STAU2: variants seen among roughly 807,000 people sequenced by gnomAD.
The protein encoded by STAU2 is staufen double-stranded RNA binding protein 2.
Under a neutral mutation model 65.9 loss-of-function variants are expected in STAU2, and 20 were observed. That is an observed-to-expected ratio of 0.30 (90% CI 0.21 to 0.44). STAU2 has a LOEUF of 0.44. STAU2 is among the 20% of genes least tolerant of loss of function. The probability of loss-of-function intolerance (pLI) is 1.00; values close to 1 mark genes in which losing one functional copy is unlikely to be tolerated. For synonymous variants in STAU2, 232 were observed against 233.9 expected (o/e 0.99, Z 0.07); for missense variants, 558 against 683.9 (o/e 0.82, Z 2.05).
intron 3 of STAU2, among the ~76,000 whole-genome samples, chr8:73,722,901 A>C (rs1168731975): frequency 6.6e-6 from 1 of 152,186 alleles, no homozygotes; most frequent in Non-Finnish European, 1.5e-5. Flanking sequence ...ATACCAAAAC[A>C]CTTCTAATAT....
At chr8:73,722,455 A>G (rs1821749000) in intron 3 of STAU2, among the ~76,000 whole-genome samples, 1 of 152,224 alleles carries the variant, frequency 6.6e-6, no homozygotes, top group Non-Finnish European at 1.5e-5. Flanking sequence ...TGTTAGCAAT[A>G]AATTCTTTCT....
At chr8:73,703,829 G>C (rs1304228576) in intron 4 of STAU2, among the ~76,000 whole-genome samples, 4 of 152,028 alleles carry the variant, frequency 2.6e-5, no homozygotes, top group Non-Finnish European at 5.9e-5. Context: ...ATTACGACAA[G>C]GAACGAAAAA....
chr8:73,479,312 C>G (rs576903351), intron 13 of STAU2, among the ~76,000 whole-genome samples: 2 of 152,200 alleles, frequency 1.3e-5, no homozygotes, highest in African/African-American at 2.4e-5. Context: ...ATTTTAGATA[C>G]TGATTATTTC....
chr8:73,583,275 A>G (rs1237284915), intron 11 of STAU2, among the ~76,000 whole-genome samples: 1 of 151,602 alleles, frequency 6.6e-6, no homozygotes, highest in African/African-American at 2.4e-5. Context: ...CCTCCCGAGT[A>G]GCTGGGATTA....
intron 5 of STAU2, among the ~76,000 whole-genome samples, chr8:73,680,969 A>C (rs1226697551): frequency 1.3e-5 from 2 of 152,028 alleles, no homozygotes; most frequent in African/African-American, 4.8e-5. Context: ...GTTTGGGATT[A>C]TGTTAAATGA....
chr8:73,578,745 A>T (rs930117323), intron 12 of STAU2, among the ~76,000 whole-genome samples: 12 of 152,170 alleles, frequency 7.9e-5, no homozygotes, highest in African/African-American at 2.9e-4. Flanking sequence ...ACATTCTTAC[A>T]TTTCTAACAC....
intron 11 of STAU2, among the ~76,000 whole-genome samples, chr8:73,589,233 TGA>T (rs1473049567): frequency 2.0e-5 from 3 of 152,188 alleles, no homozygotes; most frequent in African/African-American, 4.8e-5. Flanking sequence ...CCAAAAAGTC[TGA>T]GAGAGAGACA....
intron 12 of STAU2, among the ~76,000 whole-genome samples, chr8:73,575,632 C>T (rs1364137783): frequency 1.3e-5 from 2 of 151,850 alleles, no homozygotes; most frequent in African/African-American, 2.4e-5. Flanking sequence ...CTATACATAT[C>T]AATAGGAAAG....
At position 73,648,419 on chromosome 8, in the gene STAU2, A is replaced by G. The variant is rs555197697; in HGVS notation, c.410+24688T>C. 3.3e-5 allele frequency among the ~76,000 whole-genome samples: 5 copies of G among 152,354 alleles called. No individual in the cohort carries two copies. The South Asian group carries it at 6.2e-4, about 19-fold the overall frequency. Reference sequence around the variant, plus strand: ...TTACTTCATAAATGATACTGAGCAAATTAAACTTGAGTCTCTGTTTCTTCG... The same window carrying G: ...TTACTTCATAAATGATACTGAGCAAGTTAAACTTGAGTCTCTGTTTCTTCG... On this transcript the variant is annotated intron_variant, in intron 6 of 14. Coordinates refer to ENST00000524300, the MANE Select transcript of STAU2 (RefSeq NM_001164380.2).
intron 13 of STAU2, among the ~76,000 whole-genome samples, chr8:73,428,700 T>G (rs1157092602): frequency 1.3e-5 from 2 of 152,218 alleles, no homozygotes; most frequent in East Asian, 3.8e-4. Flanking sequence ...CTGTTTTCAC[T>G]AGGTACACTG....
intron 13 of STAU2, among the ~76,000 whole-genome samples, chr8:73,467,777 A>G (rs1819739920): frequency 6.6e-6 from 1 of 152,210 alleles, no homozygotes; most frequent in Non-Finnish European, 1.5e-5. Context: ...GTGTCCTTTT[A>G]CAAACCACTG....
chr8:73,482,921 G>A (rs751313102), intron 13 of STAU2, among the ~76,000 whole-genome samples: 67 of 152,086 alleles, frequency 4.4e-4, no homozygotes, highest in Admixed American at 9.2e-4. Context: ...GACTTAATTG[G>A]TGGTTTTCTC....
chr8:73,437,939 G>A (rs115600168), intron 13 of STAU2, among the ~76,000 whole-genome samples: 187 of 152,214 alleles, frequency 1.2e-3, no homozygotes, highest in African/African-American at 4.0e-3. Flanking sequence ...CCATGCCCCC[G>A]TTACTCCTCC....
chr8:73,692,858 T>G (rs937697020), intron 4 of STAU2, among the ~76,000 whole-genome samples: 15 of 152,156 alleles, frequency 9.9e-5, no homozygotes, highest in Admixed American at 5.2e-4. Flanking sequence ...ACATATTTAG[T>G]GTCAGAAATG....
chr8:73,696,850 A>G (rs1819720835), intron 4 of STAU2, among the ~76,000 whole-genome samples: 1 of 152,220 alleles, frequency 6.6e-6, no homozygotes, highest in Non-Finnish European at 1.5e-5. Flanking sequence ...GAATTTCCCA[A>G]ACGAGAAAGA....
intron 9 of STAU2, among the ~76,000 whole-genome samples, chr8:73,606,262 AAAATTAAT>A (rs1471576116): frequency 6.6e-6 from 1 of 151,908 alleles, no homozygotes; most frequent in African/African-American, 2.4e-5. Flanking sequence ...ATAAATCTTC[AAAATTAAT>A]AACTTCTGCT....
intron 13 of STAU2, among the ~76,000 whole-genome samples, chr8:73,535,970 A>AT (rs574013161): frequency 0.036 from 5,404 of 152,144 alleles, 277 homozygotes; most frequent in Admixed American, 0.13. Flanking sequence ...ATGGCATTTA[A>AT]TTTTTTTAAA....
intron 6 of STAU2, among the ~76,000 whole-genome samples, chr8:73,667,696 T>G (rs1004023469): frequency 6.6e-6 from 1 of 152,218 alleles, no homozygotes; most frequent in African/African-American, 2.4e-5. Context: ...TCTATTAGAC[T>G]GCCTGTCTTT....
chr8:73,612,512 C>T (rs1444601467), intron 9 of STAU2, among the ~76,000 whole-genome samples: 1 of 152,152 alleles, frequency 6.6e-6, no homozygotes, highest in African/African-American at 2.4e-5. Flanking sequence ...TTTGGAACCA[C>T]TATGACTCAT....
Sources: gnomAD v4.1 joint callset for allele counts (sites outside exome capture counted in the v4.1 genomes callset) on GRCh38, gnomAD v4.1.1 for gene constraint, MANE v1.5 for transcripts, NCBI Gene and HGNC (gene_info 2026-07-23, HGNC 2026-07-21) for gene names.